FCHSD2: variants seen among roughly 807,000 people sequenced by gnomAD.
FCHSD2 encodes F-BAR and double SH3 domains protein 2.
A neutral mutation model predicts 108.1 loss-of-function variants in FCHSD2; 38 were observed. That is an observed-to-expected ratio of 0.35 (90% confidence interval 0.27 to 0.46). The LOEUF (loss-of-function observed/expected upper bound fraction) is 0.46. FCHSD2 is among the 20% of genes least tolerant of loss of function. The pLI is 1.00. For missense variants in FCHSD2, 751 were observed against 897.8 expected, an observed-to-expected ratio of 0.84 and a Z score of 2.09; for synonymous variants, 279 against 314.7, an observed-to-expected ratio of 0.89 and a Z score of 1.20.
At chr11:72,913,069 C>T (rs1047802760) in intron 9 of FCHSD2, among the ~76,000 whole-genome samples, 3 of 152,102 alleles carry the variant, frequency 2.0e-5, no homozygotes, top group South Asian at 2.1e-4. Flanking sequence ...GGGGGAGGTG[C>T]TACACACTTT....
At chr11:72,920,871 T>C (rs1855964491) in intron 9 of FCHSD2, among the ~76,000 whole-genome samples, 1 of 152,216 alleles carries the variant, frequency 6.6e-6, no homozygotes, top group Non-Finnish European at 1.5e-5. Flanking sequence ...GATTTTTGTA[T>C]TTCCGTATCA....
At chr11:72,960,487 C>T (rs886138777) in intron 8 of FCHSD2, among the ~76,000 whole-genome samples, 30 of 152,200 alleles carry the variant, frequency 2.0e-4, no homozygotes, top group African/African-American at 7.2e-4. Flanking sequence ...AGTCCATGTG[C>T]TGTCATTCAC....
intron 3 of FCHSD2, among the ~76,000 whole-genome samples, chr11:73,063,822 C>A (rs1412728870): frequency 1.3e-5 from 2 of 152,098 alleles, no homozygotes; most frequent in Non-Finnish European, 2.9e-5. Context: ...GAGACTTAGA[C>A]TCCCACACAA....
At chr11:73,077,097 C>CAAAAAAAAAAAAAAAAAAAA in intron 3 of FCHSD2, among the ~76,000 whole-genome samples, 1 of 72,486 alleles carries the variant, frequency 1.4e-5, no homozygotes, top group Non-Finnish European at 2.5e-5. Flanking sequence ...GACTCTGTCT[C>CAAAAAAAAAAAAAAAAAAAA]AAAAAAAAAA....
chr11:72,963,829 G>A (rs1399179925), intron 8 of FCHSD2, among the ~76,000 whole-genome samples: 1 of 152,190 alleles, frequency 6.6e-6, no homozygotes, highest in African/African-American at 2.4e-5. Flanking sequence ...CTCACCTCCT[G>A]CTGTGCGGCC....
At chr11:73,105,632 T>C (rs1344203955) in intron 2 of FCHSD2, among the ~76,000 whole-genome samples, 1 of 152,180 alleles carries the variant, frequency 6.6e-6, no homozygotes, top group East Asian at 1.9e-4. Context: ...TAAATGGATA[T>C]AAAAGTCCTT....
chr11:72,907,628 G>A (rs950848203), intron 9 of FCHSD2, among the ~76,000 whole-genome samples: 5 of 107,784 alleles, frequency 4.6e-5, no homozygotes, highest in South Asian at 3.4e-4. Flanking sequence ...TTCTTGAGAC[G>A]GAGTCTGGCT....
rs773948336 is a variant in FCHSD2 at position 72,989,097 on chromosome 11, A to T, written c.388T>A (p.Cys130Ser). Residue 130 changes from cysteine to serine, a missense_variant and splice_region_variant, in exon 6 of 20, where the codon TGT becomes AGT. Cys to Ser is a moderately radical substitution (Grantham distance 112). Transcript: ENST00000409418. ...RSLKEQQLKR[C>S]VDQLTKIQTE... ...TGGATCTTTGTCAACTGGTCCACACACTGTAAAATACAAAAGTACAATCAT... is the reference window on the plus strand; with the variant it reads ...TGGATCTTTGTCAACTGGTCCACACTCTGTAAAATACAAAAGTACAATCAT... 6.3e-7 allele frequency: 1 copy of T among 1,597,418 alleles called. No homozygotes were observed. The highest frequency in any genetic ancestry group is 1.3e-5 in the African/African-American group (1 of 74,126).
chr11:73,051,999 T>C (rs1215937859), intron 3 of FCHSD2, among the ~76,000 whole-genome samples: 1 of 151,856 alleles, frequency 6.6e-6, no homozygotes, highest in Non-Finnish European at 1.5e-5. Flanking sequence ...AAAGAACCAA[T>C]TTCCAATGAC....
chr11:73,119,677 C>T (rs1860686676), intron 2 of FCHSD2, among the ~76,000 whole-genome samples: 1 of 152,080 alleles, frequency 6.6e-6, no homozygotes, highest in African/African-American at 2.4e-5. Context: ...TCACTCCTGG[C>T]TTCAAGTGAT....
rs1381008286 is a variant in FCHSD2 at position 73,063,444 on chromosome 11, A to G, written c.165+20251T>C. Among the ~76,000 whole-genome samples the G allele has an allele frequency of 5.3e-5, 8 of 152,322 alleles. No individual in the cohort carries two copies. The East Asian group carries it at 1.5e-3, about 29-fold the overall frequency. On this transcript the variant is annotated intron_variant, in intron 3 of 19. Coordinates refer to ENST00000409418, the MANE Select transcript of FCHSD2 (RefSeq NM_014824.3). ...ATCAAATTCACACATAACAATATTA[A>G]CCTTAAATGTAAATGGGCTAAATGC...
At chr11:73,134,601 G>A (rs1861079531) in intron 2 of FCHSD2, among the ~76,000 whole-genome samples, 1 of 152,204 alleles carries the variant, frequency 6.6e-6, no homozygotes, top group South Asian at 2.1e-4. Flanking sequence ...TAGACCACCA[G>A]GTGTCTGCAA....
At chr11:73,081,051 G>A (rs1859672470) in intron 3 of FCHSD2, among the ~76,000 whole-genome samples, 1 of 152,180 alleles carries the variant, frequency 6.6e-6, no homozygotes. Context: ...TGTGGAAAAA[G>A]ACTGGGATTG....
intron 2 of FCHSD2, among the ~76,000 whole-genome samples, chr11:73,114,536 T>C (rs1860562335): frequency 6.6e-6 from 1 of 152,178 alleles, no homozygotes; most frequent in East Asian, 1.9e-4. Flanking sequence ...GGAAATATGC[T>C]GGGTCTCACC....
Position 72,843,220 on chromosome 11 carries a change from G to A in FCHSD2, c.1636C>T (p.Arg546Trp), listed in dbSNP as rs746447753. 2.4e-5 allele frequency: 38 copies of A among 1,613,856 alleles called. No individual in the cohort carries two copies. In the Admixed American group the frequency reaches 5.0e-4, roughly 21 times the overall value. The change falls in exon 16 of 20, where the codon CGG (arginine) becomes TGG (tryptophan). Residue 546 changes from arginine to tryptophan, a missense_variant. Physicochemically the swap from Arg to Trp is moderately radical, Grantham distance 101. Coordinates refer to ENST00000409418, the MANE Select transcript of FCHSD2 (RefSeq NM_014824.3). ...GTGGAATTGCTGGACGTGTGTGACCGACTGTCCAAAGCGGCCAGGGACTGC... is the reference window on the plus strand; with the variant it reads ...GTGGAATTGCTGGACGTGTGTGACCAACTGTCCAAAGCGGCCAGGGACTGC... ...MLQSLAALDS[R>W]SHTSSNSTEA...
intron 8 of FCHSD2, among the ~76,000 whole-genome samples, chr11:72,938,813 C>T (rs1384687761): frequency 2.0e-5 from 3 of 152,022 alleles, no homozygotes; most frequent in African/African-American, 7.3e-5. Context: ...ATCAAGCTAA[C>T]CCAAGACTAA....
intron 1 of FCHSD2, among the ~76,000 whole-genome samples, chr11:73,140,778 A>G (rs1364785254): frequency 6.6e-6 from 1 of 152,218 alleles, no homozygotes; most frequent in Non-Finnish European, 1.5e-5. Context: ...CACTTCAAAC[A>G]GCGGAGAACA....
At position 72,838,604 on chromosome 11, in the gene FCHSD2, C is replaced by CAAAA; in HGVS notation, c.*183_*186dup. 2.1e-6 allele frequency: 1 copy of CAAAA among 482,616 alleles called. No homozygotes were observed. Among genetic ancestry groups the CAAAA allele is most frequent in the South Asian group, 2.6e-5 (1 of 38,334 alleles). The allele number at this position is 482,616 out of a possible 1,614,324, so 29.9% of individuals were successfully genotyped here. On this transcript the variant is annotated 3_prime_UTR_variant, in exon 20 of 20. Coordinates refer to ENST00000409418, the MANE Select transcript of FCHSD2 (RefSeq NM_014824.3). Reference sequence around the variant, plus strand: ...GGAGAAATGACATAGAAAATGACAACAAAAAAAAAAGGCACGAAATATTCA... The same window carrying CAAAA: ...GGAGAAATGACATAGAAAATGACAACAAAAAAAAAAAAAAGGCACGAAATATTCA...
chr11:72,924,298 G>C (rs902405601), intron 8 of FCHSD2, among the ~76,000 whole-genome samples: 1 of 151,956 alleles, frequency 6.6e-6, no homozygotes, highest in East Asian at 1.9e-4. Flanking sequence ...TTTTTTTTGA[G>C]ACAGAGTCTT....
Sources: allele counts gnomAD v4.1 joint callset (sites outside exome capture counted in the v4.1 genomes callset), GRCh38; gene constraint gnomAD v4.1.1; transcripts MANE v1.5; gene names NCBI Gene and HGNC (gene_info 2026-07-23, HGNC 2026-07-21).